Variants in STXBP5L observed in about 807,000 individuals in gnomAD.
STXBP5L encodes the protein syntaxin binding protein 5L.
Under a neutral mutation model 144.5 loss-of-function variants are expected in STXBP5L, and 65 were observed. The observed-to-expected ratio is 0.45, with a 90% CI of 0.37 to 0.55. The LOEUF (loss-of-function observed/expected upper bound fraction) is 0.55, where lower values mean the gene tolerates loss of function less well. Ranked by LOEUF, STXBP5L falls within the 20% of genes least tolerant of loss-of-function variation. The pLI, the probability that STXBP5L is intolerant of heterozygous loss-of-function variation, is 0.00. For synonymous variants in STXBP5L, 505 were observed against 469.6 expected, an observed-to-expected ratio of 1.08 and a Z score of -0.97; for missense variants, 1,298 against 1,405.5, an observed-to-expected ratio of 0.92 and a Z score of 1.22.
Position 121,406,188 on chromosome 3 carries a change from A to G in STXBP5L, c.2588-1055A>G, listed in dbSNP as rs374360295. Among the ~76,000 whole-genome samples, 6 of 152,166 alleles carry G rather than the reference A, an allele frequency of 3.9e-5. No individual in the cohort carries two copies. The East Asian group carries it at 1.2e-3, about 29-fold the overall frequency. Reference sequence around the variant, plus strand: ...CTCTACTCCCCTAGCCTCTGCCGTTACCCTTATATACATTTATAGATTTCT... The same window carrying G: ...CTCTACTCCCCTAGCCTCTGCCGTTGCCCTTATATACATTTATAGATTTCT... On this transcript the variant is annotated intron_variant, in intron 22 of 26. Coordinates refer to ENST00000471454, the MANE Select transcript of STXBP5L (RefSeq NM_001308330.2).
intron 20 of STXBP5L, among the ~76,000 whole-genome samples, chr3:121,325,983 C>A (rs1437786195): frequency 2.7e-5 from 4 of 150,322 alleles, no homozygotes; most frequent in African/African-American, 7.3e-5. Context: ...ATTATTTGGC[C>A]TCCTATTATG....
intron 3 of STXBP5L, among the ~76,000 whole-genome samples, chr3:120,982,705 C>G (rs1190474222): frequency 1.3e-5 from 2 of 152,202 alleles, no homozygotes; most frequent in African/African-American, 4.8e-5. Flanking sequence ...AGTGGCTCCA[C>G]TTTTTGGCAT....
intron 6 of STXBP5L, among the ~76,000 whole-genome samples, chr3:121,119,930 G>T (rs2044386288): frequency 6.6e-6 from 1 of 151,200 alleles, no homozygotes; most frequent in Non-Finnish European, 1.5e-5. Flanking sequence ...TATAGTTTAA[G>T]GATCTAAACA....
intron 7 of STXBP5L, among the ~76,000 whole-genome samples, chr3:121,139,917 T>C (rs1226630389): frequency 2.0e-5 from 3 of 152,020 alleles, no homozygotes; most frequent in African/African-American, 7.2e-5. Flanking sequence ...TTGTCAACTA[T>C]ACATTCAAGA....
At chr3:121,187,730 A>C (rs2047456436) in intron 9 of STXBP5L, among the ~76,000 whole-genome samples, 2 of 152,174 alleles carry the variant, frequency 1.3e-5, no homozygotes, top group Non-Finnish European at 2.9e-5. Context: ...TGTCCCAATT[A>C]AAAGACATAG....
At chr3:121,266,247 G>A (rs762868480) in intron 18 of STXBP5L, among the ~76,000 whole-genome samples, 2 of 152,122 alleles carry the variant, frequency 1.3e-5, no homozygotes, top group South Asian at 4.1e-4. Context: ...CGGGCAAACC[G>A]AATCCAGCAG....
intron 19 of STXBP5L, among the ~76,000 whole-genome samples, chr3:121,300,227 AT>A (rs890541299): frequency 1.4e-4 from 21 of 152,276 alleles, no homozygotes; most frequent in African/African-American, 5.1e-4. Context: ...TCTAGCAAAA[AT>A]ATCATTCAAA....
chr3:120,989,153 A>G (rs1247278484), intron 3 of STXBP5L, among the ~76,000 whole-genome samples: 1 of 152,136 alleles, frequency 6.6e-6, no homozygotes, highest in East Asian at 1.9e-4. Context: ...TTTTGATACA[A>G]TGATTTCTCT....
chr3:121,280,939 A>AT (rs940001099), intron 19 of STXBP5L, among the ~76,000 whole-genome samples: 1 of 150,790 alleles, frequency 6.6e-6, no homozygotes, highest in Non-Finnish European at 1.5e-5. Context: ...AACTTTTTAA[A>AT]TTTTTTAATA....
intron 5 of STXBP5L, among the ~76,000 whole-genome samples, chr3:121,046,501 G>T (rs560075446): frequency 2.6e-4 from 39 of 152,102 alleles, no homozygotes; most frequent in South Asian, 6.2e-4. Flanking sequence ...GGTCCTTTAT[G>T]GTTGGTAGGC....
intron 5 of STXBP5L, among the ~76,000 whole-genome samples, chr3:121,110,818 A>C (rs1366007938): frequency 6.6e-6 from 1 of 152,180 alleles, no homozygotes; most frequent in Non-Finnish European, 1.5e-5. Context: ...ATCTTGAAGT[A>C]CGTTTTCCAA....
chr3:120,998,511 T>C (rs957121043), intron 3 of STXBP5L, among the ~76,000 whole-genome samples: 2 of 152,124 alleles, frequency 1.3e-5, no homozygotes, highest in African/African-American at 4.8e-5. Context: ...TAGGTATTTC[T>C]CCTAATGCTA....
intron 3 of STXBP5L, among the ~76,000 whole-genome samples, chr3:120,965,165 A>T (rs574739125): frequency 7.2e-5 from 11 of 152,066 alleles, no homozygotes; most frequent in African/African-American, 2.4e-4. Context: ...TTTTGAGCCT[A>T]TGTGTGTCTT....
At chr3:121,337,890 T>C (rs1028468750) in intron 20 of STXBP5L, among the ~76,000 whole-genome samples, 2 of 152,086 alleles carry the variant, frequency 1.3e-5, no homozygotes, top group Non-Finnish European at 2.9e-5. Context: ...AAACCAATAA[T>C]TAACACCAAA....
intron 3 of STXBP5L, among the ~76,000 whole-genome samples, chr3:121,001,001 G>A (rs978122111): frequency 2.0e-5 from 3 of 152,078 alleles, no homozygotes; most frequent in Non-Finnish European, 4.4e-5. Flanking sequence ...CCGGGGTGGC[G>A]GGGGGAAGGG....
At chr3:121,111,030 C>G (rs1321255374) in intron 5 of STXBP5L, among the ~76,000 whole-genome samples, 2 of 152,136 alleles carry the variant, frequency 1.3e-5, no homozygotes, top group Non-Finnish European at 2.9e-5. Flanking sequence ...GTCTATTCGG[C>G]TATCAATAAT....
At chr3:121,114,516 G>GA (rs552995396) in intron 5 of STXBP5L, among the ~76,000 whole-genome samples, 138 of 151,964 alleles carry the variant, frequency 9.1e-4, no homozygotes, top group Non-Finnish European at 1.7e-3. Flanking sequence ...CTTAAAAATA[G>GA]AAAAAAATGT....
chr3:121,243,767 C>T (rs997772276), intron 14 of STXBP5L, among the ~76,000 whole-genome samples: 1 of 152,092 alleles, frequency 6.6e-6, no homozygotes, highest in Non-Finnish European at 1.5e-5. Flanking sequence ...TTTCCATTTA[C>T]AAAATATAGT....
chr3:120,968,666 G>GT (rs1011947818), intron 3 of STXBP5L, among the ~76,000 whole-genome samples: 3 of 152,082 alleles, frequency 2.0e-5, no homozygotes, highest in African/African-American at 7.2e-5. Context: ...TAGTGCACCT[G>GT]TTACCTGAGC....
Sources: gnomAD v4.1 joint callset for allele counts (sites outside exome capture counted in the v4.1 genomes callset) on GRCh38, gnomAD v4.1.1 for gene constraint, MANE v1.5 for transcripts, NCBI Gene and HGNC (gene_info 2026-07-23, HGNC 2026-07-21) for gene names.